Variants in PTPN4 observed in about 807,000 individuals in gnomAD.
PTPN4 encodes protein tyrosine phosphatase non-receptor type 4, also known as tyrosine-protein phosphatase non-receptor type 4.
In PTPN4, 49 loss-of-function variants were observed where a neutral mutation model predicts 135.5. The observed-to-expected ratio is 0.36, with a 90% CI of 0.29 to 0.46. The LOEUF (loss-of-function observed/expected upper bound fraction) is 0.46. PTPN4 is among the 20% of genes least tolerant of loss of function. The pLI is 1.00. For missense variants in PTPN4, 860 were observed against 1,101.0 expected (o/e 0.78, Z 3.10); for synonymous variants, 333 against 369.9 (o/e 0.90, Z 1.14).
At chr2:119,882,763 T>C (rs1328430271) in intron 8 of PTPN4, 140 bp downstream of exon 8, 1 of 778,322 alleles carries the variant, frequency 1.3e-6, no homozygotes, top group Non-Finnish European at 1.9e-6. Context: ...TAAAGAAATA[T>C]AGGTGATCTA....
At chr2:119,842,790 C>T (rs1677400920) in intron 2 of PTPN4, among the ~76,000 whole-genome samples, 1 of 152,288 alleles carries the variant, frequency 6.6e-6, no homozygotes, top group Non-Finnish European at 1.5e-5. Flanking sequence ...ATATTAAAGT[C>T]CCATTAGTTG....
chr2:119,772,508 T>C (rs1690753682), intron 1 of PTPN4, among the ~76,000 whole-genome samples: 1 of 152,234 alleles, frequency 6.6e-6, no homozygotes, highest in African/African-American at 2.4e-5. Context: ...ACTTACAGTG[T>C]ACATTCTTCA....
At chr2:119,893,612 G>T (rs999632313) in intron 9 of PTPN4, among the ~76,000 whole-genome samples, 8 of 152,120 alleles carry the variant, frequency 5.3e-5, no homozygotes. Flanking sequence ...AAGAGAACAG[G>T]TCCTCAAAGT....
chr2:119,961,041 G>C, intron 23 of PTPN4, 88 bp downstream of exon 23: 1 of 1,381,728 alleles, frequency 7.2e-7, no homozygotes. Flanking sequence ...ATTTATTTAA[G>C]CCTTTGTAAC....
rs181738649 is a variant in PTPN4, at chr2:119,892,973, C to A, written c.675+7091C>A. Among the ~76,000 whole-genome samples the A allele has an allele frequency of 3.2e-3, 487 of 151,966 alleles. 2 individuals carry two copies. The highest frequency in any genetic ancestry group is 0.011 in the African/African-American group (460 of 41,426). ...AAACTTCTCAGCTCAAGCAATCCTA[C>A]CTGCCTCGGCCTCCCAAAGTGCTGG... is the stretch of plus-strand genomic sequence containing the variant. On this transcript the variant is annotated intron_variant, in intron 9 of 26. Coordinates refer to ENST00000263708, the MANE Select transcript of PTPN4 (RefSeq NM_002830.4).
At chr2:119,837,970 G>A (rs1020084121) in intron 2 of PTPN4, among the ~76,000 whole-genome samples, 2 of 152,214 alleles carry the variant, frequency 1.3e-5, no homozygotes, top group South Asian at 4.1e-4. Context: ...GCTGCTCCGC[G>A]CCTGACTCGC....
At chr2:119,769,597 A>C (rs1469772317) in intron 1 of PTPN4, among the ~76,000 whole-genome samples, 1 of 152,242 alleles carries the variant, frequency 6.6e-6, no homozygotes, top group East Asian at 1.9e-4. Flanking sequence ...ATGAATATAG[A>C]TGAGACAGCT....
intron 13 of PTPN4, among the ~76,000 whole-genome samples, chr2:119,931,013 GTCT>G (rs1163096269): frequency 3.3e-5 from 5 of 151,908 alleles, no homozygotes; most frequent in South Asian, 2.1e-4. Flanking sequence ...ACCAAAAATA[GTCT>G]TCATTTTTAA....
chr2:119,830,509 C>T (rs1270311216), intron 2 of PTPN4, among the ~76,000 whole-genome samples: 1 of 152,164 alleles, frequency 6.6e-6, no homozygotes, highest in African/African-American at 2.4e-5. Flanking sequence ...GTCTCTGTCA[C>T]CCAGGCTGGA....
In PTPN4 at chr2:119,958,157, C is replaced by T. The variant is rs764276815; in HGVS notation, c.2133+1080C>T. The stretch of plus-strand genomic sequence containing the variant: ...GGCAACATATTGAGACCCCATTTCT[C>T]GAATAAAAATAAAAATATAAAAATA... On this transcript the variant is annotated intron_variant, in intron 22 of 26. Coordinates refer to ENST00000263708, the MANE Select transcript of PTPN4 (RefSeq NM_002830.4). Among the ~76,000 whole-genome samples, 19 of 151,072 alleles carry T rather than the reference C, an allele frequency of 1.3e-4. No individual in the cohort carries two copies. In the East Asian group the frequency reaches 1.4e-3, roughly 11 times the overall value.
intron 12 of PTPN4, among the ~76,000 whole-genome samples, chr2:119,923,757 A>G (rs546908619): frequency 1.3e-3 from 201 of 152,280 alleles, no homozygotes; most frequent in Non-Finnish European, 2.4e-3. Context: ...CTATATAGAA[A>G]CAATTCTTGA....
chr2:119,974,986 A>G (rs1288378896), intron 26 of PTPN4, among the ~76,000 whole-genome samples: 2 of 152,250 alleles, frequency 1.3e-5, no homozygotes, highest in East Asian at 3.8e-4. Context: ...CAGAATAACA[A>G]CACTACCACT....
intron 1 of PTPN4, among the ~76,000 whole-genome samples, chr2:119,772,988 C>G (rs1327374724): frequency 1.3e-5 from 2 of 152,142 alleles, no homozygotes; most frequent in Non-Finnish European, 2.9e-5. Flanking sequence ...TGTTTTGAAG[C>G]TAGAGATCTT....
chr2:119,815,934 C>T (rs1376957145), intron 2 of PTPN4, among the ~76,000 whole-genome samples: 3 of 152,162 alleles, frequency 2.0e-5, no homozygotes, highest in Admixed American at 2.0e-4. Flanking sequence ...TACACCTGTG[C>T]AGTACCACCA....
intron 25 of PTPN4, among the ~76,000 whole-genome samples, chr2:119,967,604 TA>T (rs1679464187): frequency 6.6e-6 from 1 of 152,238 alleles, no homozygotes. Context: ...TTAACTCCTT[TA>T]AAATAGTATT....
At chr2:119,783,681 G>A (rs1368814328) in intron 1 of PTPN4, among the ~76,000 whole-genome samples, 5 of 152,174 alleles carry the variant, frequency 3.3e-5, no homozygotes, top group East Asian at 3.8e-4. Context: ...CTGCGTAACC[G>A]TAGGCAAGCC....
chr2:119,889,809 T>C (rs1029640324), intron 9 of PTPN4, among the ~76,000 whole-genome samples: 1 of 152,218 alleles, frequency 6.6e-6, no homozygotes, highest in African/African-American at 2.4e-5. Flanking sequence ...GGTTTTGCTA[T>C]GTTGTATTCC....
intron 13 of PTPN4, among the ~76,000 whole-genome samples, chr2:119,928,477 T>C (rs1678855822): frequency 6.6e-6 from 1 of 152,120 alleles, no homozygotes; most frequent in Non-Finnish European, 1.5e-5. Context: ...CATGAGATAA[T>C]ATACTTTATT....
intron 2 of PTPN4, among the ~76,000 whole-genome samples, chr2:119,835,656 A>G: frequency 6.6e-6 from 1 of 152,220 alleles, no homozygotes; most frequent in African/African-American, 2.4e-5. Context: ...ACATTATGGA[A>G]CGAACTGGTT....
Sources: allele counts gnomAD v4.1 joint callset (sites outside exome capture counted in the v4.1 genomes callset), GRCh38; gene constraint gnomAD v4.1.1; transcripts MANE v1.5; gene names NCBI Gene and HGNC (gene_info 2026-07-23, HGNC 2026-07-21).